The following ARHGAP45 variants were observed in gnomAD, a reference collection of about 807,000 sequenced individuals.
The protein encoded by ARHGAP45 is rho GTPase-activating protein 45.
Under a neutral mutation model 116.1 loss-of-function variants are expected in ARHGAP45, and 56 were observed. The ratio of observed to expected loss-of-function variants is 0.48; its 90% CI spans 0.39 to 0.60. ARHGAP45 has a LOEUF of 0.60. Ranked by LOEUF, ARHGAP45 falls within the 20% of genes least tolerant of loss-of-function variation. The pLI is 0.00. For missense variants in ARHGAP45, 1,622 were observed against 1,601.0 expected (o/e 1.01, Z -0.22); for synonymous variants, 866 against 701.7 (o/e 1.23, Z -3.70).
chr19:1,076,774 G>A (rs945187579), intron 10 of ARHGAP45, among the ~76,000 whole-genome samples: 1 of 152,024 alleles, frequency 6.6e-6, no homozygotes, highest in Non-Finnish European at 1.5e-5. Context: ...TGGAATTATA[G>A]GCATAAGACA....
chr19:1,074,362 C>A lies in ARHGAP45; in HGVS notation c.948C>A (p.Gly316=). The A allele has an allele frequency of 6.2e-7, 1 of 1,606,476 alleles. No homozygotes were observed. The highest frequency in any genetic ancestry group is 8.5e-7 in the Non-Finnish European group (1 of 1,176,656). The change falls in exon 8 of 23, where the codon GGC becomes GGA. Residue 316 remains glycine (G), a synonymous_variant. Coordinates refer to ENST00000313093, the MANE Select transcript of ARHGAP45 (RefSeq NM_012292.5). ...CCGCAGAGATGGAGTTTGCCAAGGGCCTGCAGAAGATCGCTCACAACTGCA... is the reference window on the plus strand; with the variant it reads ...CCGCAGAGATGGAGTTTGCCAAGGGACTGCAGAAGATCGCTCACAACTGCA... The part of the protein sequence containing the change: ...RTTLEMEFAK[G]LQKIAHNCRQ...
chr19:1,079,227 G>A (rs182758782), intron 11 of ARHGAP45, among the ~76,000 whole-genome samples: 3 of 150,954 alleles, frequency 2.0e-5, no homozygotes, highest in Admixed American at 2.0e-4. Context: ...CAGGCTGAGT[G>A]TGGTGGCTCA....
chr19:1,067,982 T>A (rs1389312135), intron 1 of ARHGAP45, among the ~76,000 whole-genome samples: 1 of 109,212 alleles, frequency 9.2e-6, no homozygotes, highest in Non-Finnish European at 1.9e-5. Flanking sequence ...AGCTTGGGGG[T>A]CCGGGATGTC....
In ARHGAP45 at chr19:1,071,535, G is replaced by T; in HGVS notation, c.422-1614G>T. 1 of 324,772 alleles carries T rather than the reference G, an allele frequency of 3.1e-6. No homozygotes were observed. Among genetic ancestry groups the T allele is most frequent in the Non-Finnish European group, 4.5e-6 (1 of 224,110 alleles). 20.1% of individuals were successfully genotyped at this position (324,772 alleles called of 1,614,324 possible). On this transcript the variant is annotated intron_variant, in intron 2 of 22. Coordinates refer to ENST00000313093, the MANE Select transcript of ARHGAP45 (RefSeq NM_012292.5). This position sits in a 1 kb window ranked among gnomAD's most constrained non-coding sequence, Gnocchi z 4.6. ...GCCGGCCGCCGGCTTCCCGGGTAGG[G>T]GGTGTGCGGGGACAGCCGGGGGTCC...
At chr19:1,078,438 C>T (rs909593444) in intron 11 of ARHGAP45, among the ~76,000 whole-genome samples, 9 of 148,508 alleles carry the variant, frequency 6.1e-5, no homozygotes, top group Admixed American at 4.0e-4. Flanking sequence ...CCACTGCGCC[C>T]GGCCAATTTG....
At position 1,073,198 on chromosome 19, in the gene ARHGAP45, T is replaced by G; in HGVS notation, c.471T>G (p.Ala157=). The change falls in exon 3 of 23, where the codon GCT becomes GCG. Residue 157 remains alanine (A), a synonymous_variant. Coordinates refer to ENST00000313093, the MANE Select transcript of ARHGAP45 (RefSeq NM_012292.5). ...RPRAHECLGE[A]LRVMHQIISK... ...GGGCCCACGAGTGCCTGGGTGAGGC[T>G]CTGCGTGTCATGCATCAGATCATCT... The G allele has an allele frequency of 3.7e-6, 6 of 1,612,730 alleles. No homozygotes were observed. Among genetic ancestry groups the G allele is most frequent in the Non-Finnish European group, 5.1e-6 (6 of 1,180,004 alleles).
At chr19:1,082,077 A>T in intron 19 of ARHGAP45, 116 bp downstream of exon 19, 6 of 239,714 alleles carry the variant, frequency 2.5e-5, no homozygotes, top group Non-Finnish European at 3.4e-5. Flanking sequence ...GACTGGCGCA[A>T]GCGGGGGCCT....
intron 22 of ARHGAP45, among the ~76,000 whole-genome samples, chr19:1,085,457 C>T (rs1210483127): frequency 3.3e-5 from 5 of 150,536 alleles, no homozygotes; most frequent in African/African-American, 9.8e-5. Context: ...TTGTCTCTCT[C>T]TCCTCCTCCC....
Position 1,074,889 on chromosome 19 carries a change from G to T in ARHGAP45, c.1185+10G>T. On this transcript the variant is annotated intron_variant, in intron 10 of 22. Transcript: ENST00000313093. ...TGCCCAGAGGAAGCTGGTGAGGCGG[G>T]CGGGCGGGGGCGGGCGGGGGCGGGC... The T allele has an allele frequency of 7.0e-7, 1 of 1,430,964 alleles. No homozygotes were observed. Among genetic ancestry groups the T allele is most frequent in the Non-Finnish European group, 9.4e-7 (1 of 1,064,272 alleles). The allele number at this position is 1,430,964 out of a possible 1,614,324, so 88.6% of individuals were successfully genotyped here.
rs2043087792 is a variant in ARHGAP45 at position 1,068,835 on chromosome 19, G to A, written c.421+91G>A. Reference sequence around the variant, plus strand: ...GAGGGACTTGGGGAGGCTCAGAAGGGAGGGAGGCTCAGATGGCAGGGAGGG... The same window carrying A: ...GAGGGACTTGGGGAGGCTCAGAAGGAAGGGAGGCTCAGATGGCAGGGAGGG... On this transcript the variant is annotated intron_variant, in intron 2 of 22. Coordinates refer to ENST00000313093, the MANE Select transcript of ARHGAP45 (RefSeq NM_012292.5). The surrounding 1 kb of genome is among the most constrained non-coding windows in gnomAD (Gnocchi z 7.5). The A allele has an allele frequency of 6.3e-6, 8 of 1,266,770 alleles. No homozygotes were observed. The highest frequency in any genetic ancestry group is 1.5e-5 in the African/African-American group (1 of 67,110). The allele number at this position is 1,266,770 out of a possible 1,614,324, so 78.5% of individuals were successfully genotyped here. A position where few individuals can be genotyped will look rare whatever the true frequency, so the allele number is the denominator to read the frequency against.
Position 1,068,804 on chromosome 19 carries a change from T to G in ARHGAP45, c.421+60T>G. ...AGACAGAGCCAGACCCAAGGGAGGA[T>G]GGAGGGAGGGACTTGGGGAGGCTCA... is the stretch of plus-strand genomic sequence containing the variant. On this transcript the variant is annotated intron_variant, in intron 2 of 22. Transcript: ENST00000313093. This position sits in a 1 kb window ranked among gnomAD's most constrained non-coding sequence, Gnocchi z 7.5. The G allele has an allele frequency of 1.3e-6, 2 of 1,518,450 alleles. No individual in the cohort carries two copies. Among genetic ancestry groups the G allele is most frequent in the Non-Finnish European group, 9.1e-7 (1 of 1,103,788 alleles). 94.1% of individuals were successfully genotyped at this position (1,518,450 alleles called of 1,614,324 possible).
chr19:1,078,956 G>A (rs1177723013), intron 11 of ARHGAP45, among the ~76,000 whole-genome samples: 1 of 150,924 alleles, frequency 6.6e-6, no homozygotes, highest in African/African-American at 2.4e-5. Context: ...CGAGGCAGGT[G>A]GATCACAAGG....
intron 22 of ARHGAP45, 100 bp from the exon 23 acceptor site, chr19:1,085,560 C>G (rs369362618): frequency 3.2e-6 from 2 of 621,058 alleles, no homozygotes; most frequent in Non-Finnish European, 5.2e-6. Context: ...TCTCTCTCCC[C>G]CCTCTCCTGT....
In ARHGAP45 at chr19:1,068,626, C is replaced by A. The variant is rs1435395008; in HGVS notation, c.303C>A (p.Gly101=). 7 of 1,611,650 alleles carry A rather than the reference C, an allele frequency of 4.3e-6. No homozygotes were observed. Among genetic ancestry groups the A allele is most frequent in the South Asian group, 2.2e-5 (2 of 91,022 alleles). ...HRSPLTAASP[G]ELPTEGAGPD... is the part of the protein sequence containing the mutation. The stretch of plus-strand genomic sequence containing the variant: ...GCCCACTGACAGCCGCCAGCCCGGG[C>A]GAGCTGCCCACCGAGGGTGCCGGCC... The change falls in exon 2 of 23, where the codon GGC becomes GGA. Residue 101 remains glycine, a synonymous_variant. Coordinates refer to ENST00000313093, the MANE Select transcript of ARHGAP45 (RefSeq NM_012292.5). This position sits in a 1 kb window ranked among gnomAD's most constrained non-coding sequence, Gnocchi z 7.5.
At position 1,084,322 on chromosome 19, in the gene ARHGAP45, G is replaced by C. The variant is rs146827391; in HGVS notation, c.3040G>C (p.Glu1014Gln). 348 of 1,610,046 alleles carry C rather than the reference G, an allele frequency of 2.2e-4. No homozygotes were observed. The African/African-American group carries it at 3.9e-3, about 18-fold the overall frequency. ...AGEAVVYPLQ[E>Q]AAADGCRESR... ...CGAGGCGGTGGTCTACCCGCTGCAG[G>C]AGGCGGCGGCGGACGGGTGCAGAGG... is the stretch of plus-strand genomic sequence containing the variant. The change falls in exon 22 of 23, where the codon GAG becomes CAG. Residue 1014 changes from glutamate (E) to glutamine (Q), a missense_variant. Glu to Gln is a conservative substitution (Grantham distance 29). Transcript: ENST00000313093.
intron 11 of ARHGAP45, among the ~76,000 whole-genome samples, chr19:1,078,950 G>A (rs1446611517): frequency 3.3e-5 from 5 of 150,990 alleles, no homozygotes; most frequent in Non-Finnish European, 7.4e-5. Context: ...GGAGGCCGAG[G>A]CAGGTGGATC....
Position 1,079,719 on chromosome 19 carries a change from C to G in ARHGAP45, c.1391C>G (p.Ala464Gly), listed in dbSNP as rs1180239829. 1.2e-6 allele frequency: 2 copies of G among 1,612,580 alleles called. No homozygotes were observed. The highest frequency in any genetic ancestry group is 2.7e-5 in the African/African-American group (2 of 75,044). Residue 464 changes from alanine to glycine, a missense_variant, in exon 12 of 23, where the codon GCC becomes GGC. By Grantham distance (60) the Ala-to-Gly change is moderately conservative. Coordinates refer to ENST00000313093, the MANE Select transcript of ARHGAP45 (RefSeq NM_012292.5). ...EAKNKAEEAM[A>G]TYRTCVADAK... is the part of the protein sequence containing the mutation. ...CCACCGCAGGCGGAGGAAGCTATGG[C>G]CACCTACCGCACCTGCGTGGCCGAC... is the stretch of plus-strand genomic sequence containing the variant.
At chr19:1,085,521 T>TGTCTCTCCC (rs1319672746) in intron 22 of ARHGAP45, 139 bp from the exon 23 acceptor site, 1 of 632,932 alleles carries the variant, frequency 1.6e-6, no homozygotes, top group Non-Finnish European at 2.7e-6. Flanking sequence ...CCATCTCTCC[T>TGTCTCTCCC]GTCTCTCCCC....
chr19:1,080,992 G>C lies in ARHGAP45; in HGVS notation c.2118G>C (p.Arg706=). ...LSKAARTHRL[R]KLRTPAKCRE... The stretch of plus-strand genomic sequence containing the variant: ...AGGCGGCCCGTACTCACCGGCTCCG[G>C]AAGCTCCGCACGCCCGCCAAGTGCC... The change falls in exon 17 of 23, where the codon CGG becomes CGC. Residue 706 remains arginine (R), a synonymous_variant. Coordinates refer to ENST00000313093, the MANE Select transcript of ARHGAP45 (RefSeq NM_012292.5). 1.2e-6 allele frequency: 2 copies of C among 1,608,040 alleles called. No homozygotes were observed. The highest frequency in any genetic ancestry group is 1.7e-6 in the Non-Finnish European group (2 of 1,178,098).
Sources: gnomAD v4.1 joint callset for allele counts (sites outside exome capture counted in the v4.1 genomes callset) on GRCh38, gnomAD v4.1.1 for gene constraint, Gnocchi (gnomAD v3.1) non-coding constraint, MANE v1.5 for transcripts, NCBI Gene and HGNC (gene_info 2026-07-23, HGNC 2026-07-21) for gene names.